MPDZ: variants seen among roughly 807,000 people sequenced by gnomAD.
MPDZ encodes multiple PDZ domain crumbs cell polarity complex component, also known as multiple PDZ domain protein.
Under a neutral mutation model 239.1 loss-of-function variants are expected in MPDZ, and 234 were observed. The ratio of observed to expected loss-of-function variants is 0.98; its 90% CI spans 0.88 to 1.09. MPDZ has a LOEUF of 1.09. Among genes scored for constraint, MPDZ ranks in the 50% least tolerant of loss-of-function variants. MPDZ has a pLI of 0.00. For synonymous variants in MPDZ, 1,048 were observed against 881.3 expected (o/e 1.19, Z -3.35); for missense variants, 3,175 against 2,510.0 (o/e 1.26, Z -5.66).
At position 13,267,831 on chromosome 9, in the gene MPDZ, T is replaced by C. The variant is rs906095477; in HGVS notation, c.-58+11569A>G. Among the ~76,000 whole-genome samples the C allele has an allele frequency of 2.0e-5, 3 of 152,096 alleles. No homozygotes were observed. In the South Asian group the frequency reaches 6.2e-4, roughly 32 times the overall value. On this transcript the variant is annotated intron_variant, in intron 1 of 46. Coordinates refer to ENST00000319217, the MANE Select transcript of MPDZ (RefSeq NM_001378778.1). ...TAGCATTCACCAGGCTAACAGAATA[T>C]AGAGCAAAGTGGTGCTGACTGAGGT...
rs1001583612 is a variant in MPDZ at position 13,106,111 on chromosome 9, T to C, written c.*854A>G. On this transcript the variant is annotated 3_prime_UTR_variant, in exon 47 of 47. Coordinates refer to ENST00000319217, the MANE Select transcript of MPDZ (RefSeq NM_001378778.1). ...ACAGCACACTAACACATTTTTAATG[T>C]TGCATCGGTTGTTAAAACCAGCACT... The C allele has an allele frequency of 3.3e-5, 5 of 152,174 alleles. No homozygotes were observed. Among genetic ancestry groups the C allele is most frequent in the Non-Finnish European group, 7.3e-5 (5 of 68,032 alleles). 9.4% of individuals were successfully genotyped at this position (152,174 alleles called of 1,614,324 possible). A position where few individuals can be genotyped will look rare whatever the true frequency, so the allele number is the denominator to read the frequency against.
At chr9:13,114,150 C>A in intron 40 of MPDZ, 129 bp from the exon 41 acceptor site, 1 of 734,496 alleles carries the variant, frequency 1.4e-6, no homozygotes. Context: ...ATTTGATGAG[C>A]AATTTAAACA....
intron 28 of MPDZ, 169 bp downstream of exon 28, chr9:13,139,818 G>T: frequency 2.6e-6 from 2 of 768,666 alleles, no homozygotes; most frequent in Non-Finnish European, 4.5e-6. Flanking sequence ...TCATGCCTCA[G>T]GAATGTATGC....
intron 13 of MPDZ, among the ~76,000 whole-genome samples, chr9:13,195,148 C>T (rs781386748): frequency 8.6e-5 from 13 of 151,818 alleles, no homozygotes; most frequent in Non-Finnish European, 1.8e-4. Flanking sequence ...ATCAGTTGGG[C>T]GTGGTGCTGC....
At chr9:13,212,212 C>T (rs1023821242) in intron 10 of MPDZ, among the ~76,000 whole-genome samples, 3 of 151,862 alleles carry the variant, frequency 2.0e-5, no homozygotes, top group East Asian at 1.9e-4. Flanking sequence ...AACTTGATGA[C>T]TTGGATTTTA....
intron 24 of MPDZ, among the ~76,000 whole-genome samples, chr9:13,153,610 T>C (rs547608866): frequency 9.9e-5 from 15 of 152,144 alleles, no homozygotes; most frequent in African/African-American, 3.6e-4. Context: ...AGTGCTGAGA[T>C]TATAGGCATG....
intron 7 of MPDZ, 58 bp from the exon 8 acceptor site, chr9:13,219,826 T>A (rs948893002): frequency 6.6e-7 from 1 of 1,515,064 alleles, no homozygotes; most frequent in African/African-American, 1.4e-5. Flanking sequence ...AACAGATAAA[T>A]CCTAAATGAG....
At position 13,156,363 on chromosome 9, in the gene MPDZ, T is replaced by C. The variant is rs533475378; in HGVS notation, c.3452+1655A>G. The stretch of plus-strand genomic sequence containing the variant: ...CTGCTGATAAAGAAATACCTGAGAC[T>C]GGGCAATTTACAAAAGAAGGAGGTT... On this transcript the variant is annotated intron_variant, in intron 24 of 46. Coordinates refer to ENST00000319217, the MANE Select transcript of MPDZ (RefSeq NM_001378778.1). 6.6e-5 allele frequency among the ~76,000 whole-genome samples: 10 copies of C among 152,312 alleles called. No individual in the cohort carries two copies. In the South Asian group the frequency reaches 2.1e-3, roughly 32 times the overall value.
intron 22 of MPDZ, among the ~76,000 whole-genome samples, chr9:13,163,047 A>G (rs1164304005): frequency 6.6e-6 from 1 of 152,176 alleles, no homozygotes; most frequent in African/African-American, 2.4e-5. Context: ...ATCATCATGC[A>G]GAGAAGGAAA....
chr9:13,247,259 G>A (rs555619298), intron 3 of MPDZ, among the ~76,000 whole-genome samples: 1 of 152,122 alleles, frequency 6.6e-6, no homozygotes, highest in Non-Finnish European at 1.5e-5. Flanking sequence ...CTGAAATCTT[G>A]TAAGTATACT....
Position 13,243,363 on chromosome 9 carries a change from C to CT in MPDZ, c.183+4271dup, listed in dbSNP as rs74311424. On this transcript the variant is annotated intron_variant, in intron 3 of 46. Transcript: ENST00000319217. The stretch of plus-strand genomic sequence containing the variant: ...AATACATAGTCCTTCAGTTCTATCT[C>CT]TTTTTTTTTTTTTGCTTTGCTTCTA... Among the ~76,000 whole-genome samples, 309 of 141,584 alleles carry CT rather than the reference C, an allele frequency of 2.2e-3. 2 individuals are homozygous for CT. Among genetic ancestry groups the CT allele is most frequent in the South Asian group, 7.2e-3 (32 of 4,438 alleles). 92.9% of individuals were successfully genotyped at this position (141,584 alleles called of 152,430 possible).
chr9:13,250,278 G>C (rs747827171), intron 2 of MPDZ, 22 bp downstream of exon 2: 6 of 1,589,466 alleles, frequency 3.8e-6, no homozygotes, highest in African/African-American at 1.3e-5. Flanking sequence ...TATAAAAGTA[G>C]GCAGAAAAGA....
At chr9:13,240,386 TA>T (rs1965092476) in intron 3 of MPDZ, among the ~76,000 whole-genome samples, 1 of 151,654 alleles carries the variant, frequency 6.6e-6, no homozygotes, top group African/African-American at 2.4e-5. Context: ...TGGTTTACGT[TA>T]AAAAGAATCT....
Position 13,247,751 on chromosome 9 carries a change from C to T in MPDZ, c.67G>A (p.Glu23Lys), listed in dbSNP as rs775863648. ...AAERLQTKLR[E>K]RGDVANEDKL... Reference sequence around the variant, plus strand: ...TCTTCATTTGCTACATCCCCACGTTCTCGCAGCTTGGTTTGCAAGCGCTCT... The same window carrying T: ...TCTTCATTTGCTACATCCCCACGTTTTCGCAGCTTGGTTTGCAAGCGCTCT... Residue 23 changes from glutamate (E) to lysine (K), a missense_variant, in exon 3 of 47, where the codon GAA becomes AAA. By Grantham distance (56) the Glu-to-Lys change is moderately conservative. Transcript: ENST00000319217. 6.2e-6 allele frequency: 10 copies of T among 1,612,940 alleles called. No individual in the cohort carries two copies. Among genetic ancestry groups the T allele is most frequent in the Non-Finnish European group, 8.5e-6 (10 of 1,179,072 alleles).
At chr9:13,113,353 T>G (rs768010928) in intron 41 of MPDZ, among the ~76,000 whole-genome samples, 9 of 152,154 alleles carry the variant, frequency 5.9e-5, no homozygotes, top group Non-Finnish European at 1.2e-4. Flanking sequence ...GAAAGGCACA[T>G]GTGCACGGCT....
chr9:13,113,964 C>A lies in MPDZ; in HGVS notation c.5524G>T (p.Glu1842Ter). The A allele has an allele frequency of 1.9e-6, 3 of 1,598,238 alleles. No homozygotes were observed. The highest frequency in any genetic ancestry group is 2.6e-6 in the Non-Finnish European group (3 of 1,171,760). ...TTCTTTGAGCTACTTTCCAGTGACT[C>A]AGATGTACTGGATCCAGAGAGTGGA... ...TFPLSGSSTS[E>*]SLESSSKKNA... is the part of the protein sequence containing the mutation. Residue 1842 changes from glutamate (E) to a stop codon, truncating the protein, a stop_gained, in exon 41 of 47, where the codon GAG becomes TAG. Coordinates refer to ENST00000319217, the MANE Select transcript of MPDZ (RefSeq NM_001378778.1). LOFTEE classifies it high-confidence loss of function.
chr9:13,221,302 C>A, intron 7 of MPDZ, 70 bp downstream of exon 7: 2 of 1,427,358 alleles, frequency 1.4e-6, no homozygotes, highest in South Asian at 3.5e-5. Flanking sequence ...TTCTTTCCAA[C>A]AAAAAAATGT....
chr9:13,106,694 A>T lies in MPDZ; in HGVS notation c.*271T>A, dbSNP rs1941512522. Reference sequence around the variant, plus strand: ...TAATTCTTGCCCATGTGACTACAAAACATTAGATATCTCCACAAATAAAAA... The same window carrying T: ...TAATTCTTGCCCATGTGACTACAAATCATTAGATATCTCCACAAATAAAAA... On this transcript the variant is annotated 3_prime_UTR_variant, in exon 47 of 47. Coordinates refer to ENST00000319217, the MANE Select transcript of MPDZ (RefSeq NM_001378778.1). The T allele has an allele frequency of 2.8e-6, 1 of 351,490 alleles. No individual in the cohort carries two copies. The highest frequency in any genetic ancestry group is 2.0e-5 in the African/African-American group (1 of 49,510). 21.8% of individuals were successfully genotyped at this position (351,490 alleles called of 1,614,324 possible).
Position 13,136,325 on chromosome 9 carries a change from C to CTTTTTTTTTTTT in MPDZ, c.4293-155_4293-144dup, listed in dbSNP as rs869272418. On this transcript the variant is annotated intron_variant, in intron 30 of 46. Coordinates refer to ENST00000319217, the MANE Select transcript of MPDZ (RefSeq NM_001378778.1). ...ACACTTACAAATTTACAAACGTTTT[C>CTTTTTTTTTTTT]TTTTTTTTTTTTTTTTTTTTTTTTG... 302 of 156,606 alleles carry CTTTTTTTTTTTT rather than the reference C, an allele frequency of 1.9e-3. 19 individuals carry two copies. Among genetic ancestry groups the CTTTTTTTTTTTT allele is most frequent in the East Asian group, 7.4e-3 (34 of 4,620 alleles). The allele number at this position is 156,606 out of a possible 1,614,324, so 9.7% of individuals were successfully genotyped here. A position where few individuals can be genotyped will look rare whatever the true frequency, so the allele number is the denominator to read the frequency against.
Sources: gnomAD v4.1 joint callset for allele counts (sites outside exome capture counted in the v4.1 genomes callset) on GRCh38, gnomAD v4.1.1 for gene constraint, MANE v1.5 for transcripts, NCBI Gene and HGNC (gene_info 2026-07-23, HGNC 2026-07-21) for gene names.